The following BAD variants were observed in gnomAD, a reference collection of about 807,000 sequenced individuals.
BAD encodes the protein bcl2-associated agonist of cell death.
Under a neutral mutation model 17.8 loss-of-function variants are expected in BAD, and 18 were observed. That is an observed-to-expected ratio of 1.01 (90% CI 0.70 to 1.50). BAD has a LOEUF of 1.50. Among genes scored for constraint, BAD ranks in the 40% most tolerant of loss-of-function variants. The pLI is 0.00. For synonymous variants in BAD, 112 were observed against 91.5 expected (o/e 1.22, Z -1.28); for missense variants, 294 against 239.3 (o/e 1.23, Z -1.51).
In BAD at chr11:64,270,208, G is replaced by A. The variant is rs766875705; in HGVS notation, c.*1C>T. 35 of 1,613,762 alleles carry A rather than the reference G, an allele frequency of 2.2e-5. No individual in the cohort carries two copies. In the East Asian group the frequency reaches 6.7e-4, roughly 31 times the overall value. On this transcript the variant is annotated 3_prime_UTR_variant, in exon 4 of 4. Transcript: ENST00000309032. ...TGGAGTTTCGGGATGTGGAGCGAAG[G>A]TCACTGGGAGGGGGCGGAGCTTCCC...
intron 2 of BAD, chr11:64,276,860 G>C: frequency 1.3e-6 from 1 of 742,302 alleles, no homozygotes; most frequent in Non-Finnish European, 2.5e-6. Context: ...GGAAGTGGAG[G>C]GTAGTGGCTG....
Position 64,271,788 on chromosome 11 carries a change from T to G in BAD, c.203A>C (p.Glu68Ala). 2.1e-6 allele frequency: 3 copies of G among 1,412,804 alleles called. No homozygotes were observed. Among genetic ancestry groups the G allele is most frequent in the Non-Finnish European group, 2.8e-6 (3 of 1,081,904 alleles). 87.5% of individuals were successfully genotyped at this position (1,412,804 alleles called of 1,614,324 possible). Residue 68 changes from glutamate (E) to alanine (A), a missense_variant, in exon 3 of 4, where the codon GAG becomes GCG. Physicochemically the swap from Glu to Ala is moderately radical, Grantham distance 107. Transcript: ENST00000309032. ...GTAGGAGCTGTGGCGACTCCGGATC[T>G]CCACAGCCCCAGCGCCTGCAGAGGG... is the stretch of plus-strand genomic sequence containing the variant. ...SSHHGGAGAV[E>A]IRSRHSSYPA... is the part of the protein sequence containing the mutation.
intron 2 of BAD, among the ~76,000 whole-genome samples, chr11:64,280,204 G>C (rs180935436): frequency 3.3e-4 from 49 of 149,642 alleles, no homozygotes; most frequent in Non-Finnish European, 6.1e-4. Flanking sequence ...GCTGTAGTCC[G>C]AGCTACTCTG....
intron 3 of BAD, chr11:64,270,551 C>G (rs2032429650): frequency 1.2e-5 from 9 of 736,538 alleles, no homozygotes; most frequent in Admixed American, 2.1e-5. Flanking sequence ...AACTCCGTGC[C>G]GGAGACGGGA....
chr11:64,283,745 C>T (rs1312527548), intron 2 of BAD, among the ~76,000 whole-genome samples: 1 of 152,176 alleles, frequency 6.6e-6, no homozygotes, highest in Non-Finnish European at 1.5e-5. Context: ...CTTTTCGGAT[C>T]ACTGCCTGCC....
chr11:64,276,319 T>G (rs2033063308), intron 2 of BAD: 1 of 152,076 alleles, frequency 6.6e-6, no homozygotes, highest in Non-Finnish European at 1.5e-5. Context: ...TGTGTGTATA[T>G]ATATATATAT....
At chr11:64,273,336 G>A (rs148570641) in intron 2 of BAD, among the ~76,000 whole-genome samples, 2,898 of 152,284 alleles carry the variant, frequency 0.019, 59 homozygotes, top group Non-Finnish European at 0.026. Context: ...TTGTGCCACT[G>A]CACTCCAGCC....
intron 2 of BAD, among the ~76,000 whole-genome samples, chr11:64,280,633 G>A (rs537441930): frequency 2.0e-4 from 30 of 149,924 alleles, no homozygotes; most frequent in African/African-American, 6.1e-4. Flanking sequence ...TTACAGGCGT[G>A]AGCCACCGCG....
chr11:64,273,523 C>A (rs1454649624), intron 2 of BAD, among the ~76,000 whole-genome samples: 1 of 152,150 alleles, frequency 6.6e-6, no homozygotes, highest in Non-Finnish European at 1.5e-5. Context: ...CTCCTCTACC[C>A]AGACCGATAA....
intron 2 of BAD, among the ~76,000 whole-genome samples, chr11:64,274,081 T>C (rs1430741593): frequency 6.6e-6 from 1 of 152,080 alleles, no homozygotes; most frequent in African/African-American, 2.4e-5. Context: ...GACACATAAA[T>C]GAGACACATG....
At chr11:64,270,525 CTGGT>C in intron 3 of BAD, 188 bp from the exon 4 acceptor site, 2 of 775,190 alleles carry the variant, frequency 2.6e-6, no homozygotes, top group Non-Finnish European at 4.3e-6. Context: ...GGAATGGGAA[CTGGT>C]TAGATCCCAG....
intron 2 of BAD, among the ~76,000 whole-genome samples, chr11:64,277,236 C>T (rs988005596): frequency 3.3e-5 from 5 of 152,192 alleles, no homozygotes; most frequent in South Asian, 2.1e-4. Flanking sequence ...GGGAGGCTGA[C>T]GTCAGTGGCC....
chr11:64,276,737 C>T (rs2033094409), intron 2 of BAD: 2 of 585,720 alleles, frequency 3.4e-6, no homozygotes, highest in Non-Finnish European at 6.1e-6. Flanking sequence ...GCCAGACTCT[C>T]CCTTCTCTGG....
At chr11:64,279,037 G>A (rs1041882730) in intron 2 of BAD, among the ~76,000 whole-genome samples, 3 of 152,176 alleles carry the variant, frequency 2.0e-5, no homozygotes, top group African/African-American at 7.2e-5. Flanking sequence ...TGGGGCTGGG[G>A]GGAGGTGTCG....
intron 2 of BAD, among the ~76,000 whole-genome samples, chr11:64,281,234 G>A (rs1190724628): frequency 6.6e-6 from 1 of 152,170 alleles, no homozygotes; most frequent in Non-Finnish European, 1.5e-5. Context: ...CCAAAGTGCT[G>A]GGATTATAGG....
intron 2 of BAD, 22 bp downstream of exon 2, chr11:64,284,160 G>A (rs748135213): frequency 1.3e-4 from 202 of 1,552,860 alleles, no homozygotes; most frequent in Non-Finnish European, 1.7e-4. Context: ...GTCCCGGCAG[G>A]TGGAGGTGGT....
At chr11:64,272,765 G>C (rs529006566) in intron 2 of BAD, 69 of 152,372 alleles carry the variant, frequency 4.5e-4, no homozygotes, top group African/African-American at 1.6e-3. Flanking sequence ...AGGTTCCAAA[G>C]GTTTGGTGGA....
intron 2 of BAD, 47 bp downstream of exon 2, chr11:64,284,135 G>C (rs2033672028): frequency 1.3e-6 from 2 of 1,522,344 alleles, no homozygotes; most frequent in East Asian, 4.5e-5. Flanking sequence ...GGAGCCAGTG[G>C]GCTGGGGGTG....
chr11:64,279,142 T>C (rs2033260516), intron 2 of BAD, among the ~76,000 whole-genome samples: 1 of 152,114 alleles, frequency 6.6e-6, no homozygotes, highest in Non-Finnish European at 1.5e-5. Context: ...ACCATGATCT[T>C]GTCCCACTCT....
Sources: gnomAD v4.1 joint callset for allele counts (sites outside exome capture counted in the v4.1 genomes callset) on GRCh38, gnomAD v4.1.1 for gene constraint, MANE v1.5 for transcripts, NCBI Gene and HGNC (gene_info 2026-07-23, HGNC 2026-07-21) for gene names.